KCNAB1: variants seen among roughly 807,000 people sequenced by gnomAD.
KCNAB1 encodes potassium voltage-gated channel subfamily A regulatory beta subunit 1, also known as voltage-gated potassium channel subunit beta-1.
Under a neutral mutation model 64.6 loss-of-function variants are expected in KCNAB1, and 35 were observed. The ratio of observed to expected loss-of-function variants is 0.54; its 90% CI spans 0.41 to 0.72. The LOEUF (loss-of-function observed/expected upper bound fraction) is 0.72, where lower values mean the gene tolerates loss of function less well. Ranked by LOEUF, KCNAB1 falls within the 30% of genes least tolerant of loss-of-function variation. The probability of loss-of-function intolerance (pLI) is 0.00; values close to 1 mark genes in which losing one functional copy is unlikely to be tolerated. For synonymous variants in KCNAB1, 177 were observed against 183.8 expected (o/e 0.96, Z 0.30); for missense variants, 401 against 512.9 (o/e 0.78, Z 2.11).
intron 1 of KCNAB1, among the ~76,000 whole-genome samples, chr3:156,136,706 A>G (rs1015555969): frequency 1.3e-5 from 2 of 152,188 alleles, no homozygotes; most frequent in African/African-American, 4.8e-5. Flanking sequence ...GTTTTGAGGT[A>G]TTTCTGGCCA....
At chr3:156,135,194 A>C (rs1001579591) in intron 1 of KCNAB1, among the ~76,000 whole-genome samples, 1 of 151,974 alleles carries the variant, frequency 6.6e-6, no homozygotes, top group Non-Finnish European at 1.5e-5. Flanking sequence ...ACAGGGTTTC[A>C]TCATGTTGGC....
chr3:156,124,932 G>GGTC (rs1181040393), intron 1 of KCNAB1, among the ~76,000 whole-genome samples: 2 of 152,100 alleles, frequency 1.3e-5, no homozygotes, highest in African/African-American at 2.4e-5. Context: ...AAGGTCAGGA[G>GGTC]TTCAAGACCA....
At chr3:156,337,787 A>G (rs1003680221) in intron 1 of KCNAB1, among the ~76,000 whole-genome samples, 1 of 152,196 alleles carries the variant, frequency 6.6e-6, no homozygotes, top group Non-Finnish European at 1.5e-5. Flanking sequence ...ATCCATCCCT[A>G]CCTGAAAAAA....
chr3:156,127,884 G>GGTGTGTGTGTGTGTGTGT (rs10576749), intron 1 of KCNAB1, among the ~76,000 whole-genome samples: 1 of 147,556 alleles, frequency 6.8e-6, no homozygotes, highest in Non-Finnish European at 1.5e-5. Context: ...CTTCATTTGG[G>GGTGTGTGTGTGTGTGTGT]GTGTGTGTGT....
intron 1 of KCNAB1, among the ~76,000 whole-genome samples, chr3:156,179,553 GA>G (rs1712664058): frequency 6.6e-6 from 1 of 151,014 alleles, no homozygotes; most frequent in Non-Finnish European, 1.5e-5. Context: ...GACTCCCTCA[GA>G]AGGCACCTGT....
intron 1 of KCNAB1, among the ~76,000 whole-genome samples, chr3:156,126,265 A>C (rs890487062): frequency 6.6e-6 from 1 of 152,044 alleles, no homozygotes; most frequent in Non-Finnish European, 1.5e-5. Context: ...CCATTTGACT[A>C]CTTTGGAGAC....
At chr3:156,464,468 A>G (rs1438716711) in intron 6 of KCNAB1, among the ~76,000 whole-genome samples, 1 of 118,968 alleles carries the variant, frequency 8.4e-6, no homozygotes, top group East Asian at 2.3e-4. Context: ...TCCATCTTTG[A>G]GACAGAAATC....
intron 2 of KCNAB1, among the ~76,000 whole-genome samples, chr3:156,426,587 C>G (rs1259114365): frequency 6.6e-6 from 1 of 152,148 alleles, no homozygotes; most frequent in African/African-American, 2.4e-5. Flanking sequence ...TAGTATCATA[C>G]AGAATAGTTT....
At chr3:156,138,725 G>C (rs1714520153) in intron 1 of KCNAB1, among the ~76,000 whole-genome samples, 1 of 152,182 alleles carries the variant, frequency 6.6e-6, no homozygotes. Context: ...CAGAACATCA[G>C]ATGTAGACTA....
At chr3:156,539,025 TA>T (rs1237746760), downstream of KCNAB1, 1 of 3,870 alleles carries the variant, frequency 2.6e-4, no homozygotes, top group Non-Finnish European at 4.2e-4. Flanking sequence ...ATTTCACAGT[TA>T]GTTAGTTAGT....
At chr3:156,284,568 C>G (rs1430176325) in intron 1 of KCNAB1, among the ~76,000 whole-genome samples, 1 of 152,198 alleles carries the variant, frequency 6.6e-6, no homozygotes, top group East Asian at 1.9e-4. Flanking sequence ...CCCCCAGCCT[C>G]GCTGCTGCCT....
At chr3:156,301,600 A>G (rs1439052192) in intron 1 of KCNAB1, among the ~76,000 whole-genome samples, 1 of 152,230 alleles carries the variant, frequency 6.6e-6, no homozygotes, top group Non-Finnish European at 1.5e-5. Context: ...ATGGTCTAAC[A>G]TACAACGTCT....
intron 1 of KCNAB1, among the ~76,000 whole-genome samples, chr3:156,419,362 G>A (rs928219975): frequency 2.0e-5 from 3 of 151,962 alleles, no homozygotes; most frequent in East Asian, 3.9e-4. Context: ...TTAGCCAGGC[G>A]TGGTGGGGGG....
At chr3:156,216,226 C>A (rs900871276) in intron 1 of KCNAB1, among the ~76,000 whole-genome samples, 9 of 152,192 alleles carry the variant, frequency 5.9e-5, no homozygotes, top group African/African-American at 2.2e-4. Flanking sequence ...CTACTTCATG[C>A]TGATCCAAGC....
intron 12 of KCNAB1, among the ~76,000 whole-genome samples, chr3:156,530,023 G>A (rs927370295): frequency 2.6e-5 from 4 of 152,196 alleles, no homozygotes; most frequent in African/African-American, 7.2e-5. Context: ...ACTGGGATGT[G>A]AAGAAGATCA....
intron 1 of KCNAB1, chr3:156,176,586 G>A: frequency 1.2e-6 from 1 of 851,620 alleles, no homozygotes; most frequent in Non-Finnish European, 2.1e-6. Flanking sequence ...GCTCCACTGT[G>A]TTCCTTCAGT....
chr3:156,220,691 C>A (rs530746724), intron 1 of KCNAB1, among the ~76,000 whole-genome samples: 1 of 152,242 alleles, frequency 6.6e-6, no homozygotes, highest in South Asian at 2.1e-4. Flanking sequence ...ATGACAGTTT[C>A]TTTTGCTGTG....
At chr3:156,425,314 T>C (rs988412741) in intron 2 of KCNAB1, among the ~76,000 whole-genome samples, 1 of 152,250 alleles carries the variant, frequency 6.6e-6, no homozygotes, top group African/African-American at 2.4e-5. Context: ...CGGAAATTCC[T>C]TGCCCTGACA....
chr3:156,382,098 A>C (rs1385980292), intron 1 of KCNAB1: 3 of 152,148 alleles, frequency 2.0e-5, no homozygotes, highest in Non-Finnish European at 4.4e-5. Context: ...CACACTGCCC[A>C]TTCCAAAATC....
Sources: allele counts gnomAD v4.1 joint callset (sites outside exome capture counted in the v4.1 genomes callset), GRCh38; gene constraint gnomAD v4.1.1; transcripts MANE v1.5; gene names NCBI Gene and HGNC (gene_info 2026-07-23, HGNC 2026-07-21).